ETV5: variants seen among roughly 807,000 people sequenced by gnomAD.
ETV5 encodes the protein ETS variant transcription factor 5.
A neutral mutation model predicts 70.0 loss-of-function variants in ETV5; 10 were observed. The observed-to-expected ratio is 0.14, with a 90% CI of 0.09 to 0.24. ETV5 has a LOEUF of 0.24. Ranked by LOEUF, ETV5 falls within the 10% of genes least tolerant of loss-of-function variation. ETV5 has a pLI of 1.00. For missense variants in ETV5, 453 were observed against 651.2 expected, an observed-to-expected ratio of 0.70 and a Z score of 3.31; for synonymous variants, 216 against 242.2, an observed-to-expected ratio of 0.89 and a Z score of 1.01.
At position 186,079,897 on chromosome 3, in the gene ETV5, T is replaced by C. The variant is rs1348215932; in HGVS notation, c.570A>G (p.Thr190=). 1.3e-6 allele frequency: 2 copies of C among 1,597,872 alleles called. No individual in the cohort carries two copies. Among genetic ancestry groups the C allele is most frequent in the Non-Finnish European group, 1.7e-6 (2 of 1,173,104 alleles). ...GATGTGGTGGTCGGGGGACCGCAAA[T>C]GTTTGCTGCTGTGGTCCAGGCTCTG... ...SLPEPGPQQQ[T]FAVPRPPHQP... is the part of the protein sequence containing the mutation. The change falls in exon 7 of 13, where the codon ACA becomes ACG. Residue 190 remains threonine, a synonymous_variant. Transcript: ENST00000306376.
chr3:186,086,786 G>A (rs997635191), intron 5 of ETV5, among the ~76,000 whole-genome samples: 2 of 145,120 alleles, frequency 1.4e-5, no homozygotes, highest in South Asian at 2.2e-4. Context: ...ACAAATTCCT[G>A]TCTCTACAAA....
At chr3:186,066,770 C>T (rs1226607290) in intron 7 of ETV5, among the ~76,000 whole-genome samples, 2 of 152,116 alleles carry the variant, frequency 1.3e-5, no homozygotes, top group Non-Finnish European at 2.9e-5. Context: ...GCATAAGGAC[C>T]CACTAGCTAC....
chr3:186,061,913 T>G (rs1446016766), intron 9 of ETV5, among the ~76,000 whole-genome samples: 1 of 152,122 alleles, frequency 6.6e-6, no homozygotes, highest in South Asian at 2.1e-4. Flanking sequence ...ATCGTAAAAT[T>G]TAAAAATCTG....
intron 1 of ETV5, 159 bp downstream of exon 1, chr3:186,108,781 G>A: frequency 1.9e-6 from 1 of 532,110 alleles, no homozygotes; most frequent in South Asian, 2.4e-5. Flanking sequence ...CCGGGCCGCG[G>A]GGGGAGGGGG....
chr3:186,084,524 T>G (rs1320789041), intron 5 of ETV5, among the ~76,000 whole-genome samples: 2 of 152,166 alleles, frequency 1.3e-5, no homozygotes, highest in African/African-American at 4.8e-5. Flanking sequence ...GGCCAGGTAT[T>G]CTGGATGTCG....
At chr3:186,108,425 GGTCGA>G (rs1714648043) in intron 1 of ETV5, 6 of 1,009,032 alleles carry the variant, frequency 5.9e-6, no homozygotes, top group Non-Finnish European at 8.2e-6. Context: ...GTAAGTTCCT[GGTCGA>G]CCCCCGCCCC....
intron 1 of ETV5, among the ~76,000 whole-genome samples, 173 bp from the exon 2 acceptor site, chr3:186,106,115 T>C (rs1034898828): frequency 4.6e-5 from 7 of 152,192 alleles, no homozygotes; most frequent in African/African-American, 1.7e-4. Context: ...ATTAATGGTA[T>C]CAGAGGTACA....
intron 5 of ETV5, among the ~76,000 whole-genome samples, chr3:186,087,747 T>A (rs1714091519): frequency 6.6e-6 from 1 of 152,138 alleles, no homozygotes; most frequent in African/African-American, 2.4e-5. Flanking sequence ...CCCGTGCTAA[T>A]GGTAAACTTC....
chr3:186,089,143 G>T (rs1714123936), intron 5 of ETV5, among the ~76,000 whole-genome samples: 1 of 152,144 alleles, frequency 6.6e-6, no homozygotes, highest in Non-Finnish European at 1.5e-5. Flanking sequence ...AAGTGGACAG[G>T]TTCTGGCACT....
chr3:186,075,865 C>A (rs1331909704), intron 7 of ETV5, among the ~76,000 whole-genome samples: 1 of 152,186 alleles, frequency 6.6e-6, no homozygotes, highest in Non-Finnish European at 1.5e-5. Flanking sequence ...GCAGTGTATT[C>A]CAAAATTCTT....
At chr3:186,082,224 G>A (rs1322313548) in intron 5 of ETV5, among the ~76,000 whole-genome samples, 2 of 152,226 alleles carry the variant, frequency 1.3e-5, no homozygotes, top group Non-Finnish European at 2.9e-5. Flanking sequence ...ACCTTGGAAG[G>A]TGGGGAAGGA....
At chr3:186,084,431 CTTCT>C (rs1714006309) in intron 5 of ETV5, among the ~76,000 whole-genome samples, 1 of 152,012 alleles carries the variant, frequency 6.6e-6, no homozygotes, top group South Asian at 2.1e-4. Context: ...TGTGGACTAC[CTTCT>C]TTGTCATGAA....
At position 186,064,465 on chromosome 3, in the gene ETV5, A is replaced by G. The variant is rs139046188; in HGVS notation, c.922T>C (p.Cys308Arg). 1.2e-6 allele frequency: 2 copies of G among 1,614,172 alleles called. No homozygotes were observed. Among genetic ancestry groups the G allele is most frequent in the African/African-American group, 2.7e-5 (2 of 75,036 alleles). The change falls in exon 9 of 13, where the codon TGC (cysteine) becomes CGC (arginine). Residue 308 changes from cysteine (C) to arginine (R), a missense_variant. Physicochemically the swap from Cys to Arg is radical, Grantham distance 180. Coordinates refer to ENST00000306376, the MANE Select transcript of ETV5 (RefSeq NM_004454.3). ...DYCVDSEVPNCQSSYMRGGYF... is the reference protein window; with the variant it reads ...DYCVDSEVPNRQSSYMRGGYF... ...CCCCCTCTCATGTAGGATGACTGGCAGTTAGGCACTTCTGAAAGGAAAGCA... is the reference window on the plus strand; with the variant it reads ...CCCCCTCTCATGTAGGATGACTGGCGGTTAGGCACTTCTGAAAGGAAAGCA...
intron 7 of ETV5, among the ~76,000 whole-genome samples, chr3:186,071,619 T>A (rs1713637867): frequency 6.6e-6 from 1 of 152,212 alleles, no homozygotes; most frequent in Admixed American, 6.5e-5. Context: ...TATCTTCAAC[T>A]GCCCCACCTT....
chr3:186,049,611 G>C (rs75379141), intron 12 of ETV5, among the ~76,000 whole-genome samples: 7,541 of 152,230 alleles, frequency 0.05, 250 homozygotes, highest in African/African-American at 0.088. Context: ...AGACGCAGAG[G>C]GGGAAGGGAA....
chr3:186,108,736 G>A lies in ETV5; in HGVS notation c.-75+204C>T, dbSNP rs1407356068. 5.9e-6 allele frequency: 6 copies of A among 1,013,634 alleles called. No homozygotes were observed. In the South Asian group the frequency reaches 8.9e-5, roughly 15 times the overall value. 62.8% of individuals were successfully genotyped at this position (1,013,634 alleles called of 1,614,324 possible). ...TCCCCGCGCTCCGGAACCGTTAGCC[G>A]CACCCGCCCGACGCCTCCCAGGAAC... is the stretch of plus-strand genomic sequence containing the variant. On this transcript the variant is annotated intron_variant, in intron 1 of 12. Coordinates refer to ENST00000306376, the MANE Select transcript of ETV5 (RefSeq NM_004454.3).
chr3:186,096,205 G>A (rs1478248449), intron 5 of ETV5, among the ~76,000 whole-genome samples: 2 of 152,140 alleles, frequency 1.3e-5, no homozygotes, highest in Non-Finnish European at 2.9e-5. Flanking sequence ...GAAATTTTCT[G>A]AGTCGAGATA....
chr3:186,059,634 A>G (rs976346119), intron 9 of ETV5, among the ~76,000 whole-genome samples: 2 of 152,234 alleles, frequency 1.3e-5, no homozygotes, highest in Non-Finnish European at 2.9e-5. Flanking sequence ...CTCCTGGTAC[A>G]TAAGTGTGTA....
At chr3:186,060,145 A>T (rs914586835) in intron 9 of ETV5, among the ~76,000 whole-genome samples, 2 of 152,232 alleles carry the variant, frequency 1.3e-5, no homozygotes, top group African/African-American at 4.8e-5. Context: ...CTTCAAGTTT[A>T]CGTATCTGTC....
Sources: allele counts gnomAD v4.1 joint callset (sites outside exome capture counted in the v4.1 genomes callset), GRCh38; gene constraint gnomAD v4.1.1; transcripts MANE v1.5; gene names NCBI Gene and HGNC (gene_info 2026-07-23, HGNC 2026-07-21).